ZNHIT6: variants seen among roughly 807,000 people sequenced by gnomAD.
The protein encoded by ZNHIT6 is zinc finger HIT-type containing 6.
A neutral mutation model predicts 57.2 loss-of-function variants in ZNHIT6; 45 were observed. The ratio of observed to expected loss-of-function variants is 0.79; its 90% CI spans 0.62 to 1.01. The LOEUF (loss-of-function observed/expected upper bound fraction) is 1.01, where lower values mean the gene tolerates loss of function less well. Among genes scored for constraint, ZNHIT6 ranks in the 50% least tolerant of loss-of-function variants. The probability of loss-of-function intolerance (pLI) is 0.00; values close to 1 mark genes in which losing one functional copy is unlikely to be tolerated. For synonymous variants in ZNHIT6, 188 were observed against 190.0 expected (o/e 0.99, Z 0.09); for missense variants, 528 against 567.3 (o/e 0.93, Z 0.70).
At chr1:85,684,167 T>C (rs1051382869) in intron 5 of ZNHIT6, among the ~76,000 whole-genome samples, 2 of 152,190 alleles carry the variant, frequency 1.3e-5, no homozygotes, top group Non-Finnish European at 2.9e-5. Context: ...ATATTCTAGG[T>C]AACTTAGGGA....
intron 9 of ZNHIT6, among the ~76,000 whole-genome samples, chr1:85,655,871 C>A (rs1389810879): frequency 6.6e-6 from 1 of 152,120 alleles, no homozygotes; most frequent in East Asian, 1.9e-4. Context: ...TAGGCAGACT[C>A]AAATAATTAT....
At chr1:85,655,961 C>A (rs1471346959) in intron 9 of ZNHIT6, among the ~76,000 whole-genome samples, 1 of 152,092 alleles carries the variant, frequency 6.6e-6, no homozygotes, top group Non-Finnish European at 1.5e-5. Flanking sequence ...AACACATGTA[C>A]CCCCAAATTA....
At chr1:85,704,176 T>C (rs1426410986) in intron 4 of ZNHIT6, among the ~76,000 whole-genome samples, 2 of 152,112 alleles carry the variant, frequency 1.3e-5, no homozygotes, top group Non-Finnish European at 2.9e-5. Flanking sequence ...TTGGTGAGAG[T>C]GTAAACTAGT....
In ZNHIT6 at chr1:85,697,417, C is replaced by T. The variant is rs115062112; in HGVS notation, c.1019+4740G>A. Among the ~76,000 whole-genome samples, 1,125 of 152,216 alleles carry T rather than the reference C, an allele frequency of 7.4e-3. 12 individuals carry two copies. The highest frequency in any genetic ancestry group is 0.026 in the African/African-American group (1,068 of 41,524). On this transcript the variant is annotated intron_variant, in intron 5 of 9. Coordinates refer to ENST00000370574, the MANE Select transcript of ZNHIT6 (RefSeq NM_017953.4). Reference sequence around the variant, plus strand: ...TATTTCATTTTAAGATTTTGATCCACCTGGATGTTATTTAGTAAAAGATTC... The same window carrying T: ...TATTTCATTTTAAGATTTTGATCCATCTGGATGTTATTTAGTAAAAGATTC...
intron 8 of ZNHIT6, among the ~76,000 whole-genome samples, chr1:85,670,189 C>T (rs1358395092): frequency 6.6e-6 from 1 of 152,004 alleles, no homozygotes; most frequent in Non-Finnish European, 1.5e-5. Context: ...AGCCAGGAGG[C>T]CAAATCCAGC....
chr1:85,694,040 A>T (rs1557867121), intron 5 of ZNHIT6, among the ~76,000 whole-genome samples: 1 of 152,216 alleles, frequency 6.6e-6, no homozygotes, highest in Non-Finnish European at 1.5e-5. Flanking sequence ...AAACAGGCAA[A>T]AGAAATGTAC....
intron 8 of ZNHIT6, among the ~76,000 whole-genome samples, chr1:85,676,336 CAAAA>C (rs754000429): frequency 1.8e-5 from 1 of 54,418 alleles, no homozygotes. Context: ...AACTCCGTCT[CAAAA>C]AAAAAAAAAA....
At chr1:85,680,565 T>A (rs1268091344) in intron 6 of ZNHIT6, among the ~76,000 whole-genome samples, 1 of 152,210 alleles carries the variant, frequency 6.6e-6, no homozygotes, top group African/African-American at 2.4e-5. Flanking sequence ...TTCCCAAAAG[T>A]ACACTATTTA....
At chr1:85,673,287 T>C (rs184643996) in intron 8 of ZNHIT6, among the ~76,000 whole-genome samples, 245 of 152,296 alleles carry the variant, frequency 1.6e-3, no homozygotes, top group Middle Eastern at 6.8e-3. Flanking sequence ...AAAGCTATAA[T>C]AGCTTTTCTA....
chr1:85,677,314 C>A lies in ZNHIT6; in HGVS notation c.1170-1G>T. The A allele has an allele frequency of 3.1e-6, 5 of 1,603,064 alleles. No homozygotes were observed. Among genetic ancestry groups the A allele is most frequent in the Non-Finnish European group, 4.2e-6 (5 of 1,176,534 alleles). On this transcript the variant is annotated splice_acceptor_variant, in intron 7 of 9. Coordinates refer to ENST00000370574, the MANE Select transcript of ZNHIT6 (RefSeq NM_017953.4). LOFTEE classifies it high-confidence loss of function. Reference sequence around the variant, plus strand: ...CTGAGAGCGAATGTAGGCTTTCAACCTGAAATAAAAACATCATATTGAAGG... The same window carrying A: ...CTGAGAGCGAATGTAGGCTTTCAACATGAAATAAAAACATCATATTGAAGG...
intron 5 of ZNHIT6, 62 bp downstream of exon 5, chr1:85,702,095 A>G (rs1472218225): frequency 8.4e-7 from 1 of 1,190,456 alleles, no homozygotes; most frequent in Non-Finnish European, 1.2e-6. Flanking sequence ...TAGCAACCAA[A>G]CCTTAAAGAA....
chr1:85,680,812 G>A, intron 6 of ZNHIT6, 24 bp downstream of exon 6: 1 of 1,577,222 alleles, frequency 6.3e-7, no homozygotes. Flanking sequence ...AAACAAATCA[G>A]TGATTGAAAG....
chr1:85,687,312 C>CAAAAAAAAAAAAAAAAA (rs1557861302), intron 5 of ZNHIT6, among the ~76,000 whole-genome samples: 1 of 67,356 alleles, frequency 1.5e-5, no homozygotes, highest in Non-Finnish European at 2.9e-5. Context: ...AAAAAAAAAA[C>CAAAAAAAAAAAAAAAAA]AATTTAGAAC....
chr1:85,654,205 A>G, intron 9 of ZNHIT6, 107 bp from the exon 10 acceptor site: 2 of 856,570 alleles, frequency 2.3e-6, no homozygotes, highest in Admixed American at 5.7e-5. Flanking sequence ...AGCACTGCTC[A>G]CAGGGACACA....
At chr1:85,654,586 G>A (rs567038712) in intron 9 of ZNHIT6, among the ~76,000 whole-genome samples, 32 of 152,272 alleles carry the variant, frequency 2.1e-4, no homozygotes, top group Non-Finnish European at 3.8e-4. Context: ...CTTGCTTAGA[G>A]CAAGCAAGAC....
chr1:85,706,517 C>T lies in ZNHIT6; in HGVS notation c.657-10G>A, dbSNP rs1425747533. 2 of 1,536,910 alleles carry T rather than the reference C, an allele frequency of 1.3e-6. No individual in the cohort carries two copies. Among genetic ancestry groups the T allele is most frequent in the Non-Finnish European group, 1.7e-6 (2 of 1,150,520 alleles). On this transcript the variant is annotated splice_polypyrimidine_tract_variant and intron_variant, in intron 1 of 9. Coordinates refer to ENST00000370574, the MANE Select transcript of ZNHIT6 (RefSeq NM_017953.4). ...ACCACAAGTCTCACACCTACAAAAG[C>T]CCACATGTAACATTAAATTATCAAA...
intron 1 of ZNHIT6, 28 bp from the exon 2 acceptor site, chr1:85,706,535 T>A: frequency 6.6e-7 from 1 of 1,504,772 alleles, no homozygotes; most frequent in Non-Finnish European, 8.9e-7. Context: ...TAACATTAAA[T>A]TATCAAATAT....
intron 5 of ZNHIT6, among the ~76,000 whole-genome samples, chr1:85,699,898 T>G (rs1662480363): frequency 1.3e-5 from 2 of 152,064 alleles, no homozygotes; most frequent in African/African-American, 4.8e-5. Context: ...TGAGGCAGAT[T>G]TGCATTAACA....
At position 85,697,533 on chromosome 1, in the gene ZNHIT6, A is replaced by G. The variant is rs115191608; in HGVS notation, c.1019+4624T>C. On this transcript the variant is annotated intron_variant, in intron 5 of 9. Transcript: ENST00000370574. ...ATTTGAAATGTTACCTTGATCATAT[A>G]CCAGCAAACCAAATATACTATTTAT... Among the ~76,000 whole-genome samples, 1,143 of 152,310 alleles carry G rather than the reference A, an allele frequency of 7.5e-3. 15 individuals carry two copies. The highest frequency in any genetic ancestry group is 0.026 in the African/African-American group (1,084 of 41,560).
Sources: allele counts gnomAD v4.1 joint callset (sites outside exome capture counted in the v4.1 genomes callset), GRCh38; gene constraint gnomAD v4.1.1; transcripts MANE v1.5; gene names NCBI Gene and HGNC (gene_info 2026-07-23, HGNC 2026-07-21).